ACTR8: variants seen among roughly 807,000 people sequenced by gnomAD.
ACTR8 encodes the protein actin-related protein 8.
ACTR8 carries 70 observed loss-of-function variants against 84.3 expected under a neutral mutation model. The ratio of observed to expected loss-of-function variants is 0.83; its 90% CI spans 0.68 to 1.01. The LOEUF (loss-of-function observed/expected upper bound fraction) is 1.01, where lower values mean the gene tolerates loss of function less well. Among genes scored for constraint, ACTR8 ranks in the 50% least tolerant of loss-of-function variants. ACTR8 has a pLI of 0.00. For synonymous variants in ACTR8, 268 were observed against 275.2 expected, an observed-to-expected ratio of 0.97 and a Z score of 0.26; for missense variants, 672 against 775.4, an observed-to-expected ratio of 0.87 and a Z score of 1.58.
chr3:53,869,235 C>G (rs1699846941), intron 12 of ACTR8, among the ~76,000 whole-genome samples: 1 of 152,094 alleles, frequency 6.6e-6, no homozygotes. Flanking sequence ...GAGCCAAGAT[C>G]GCGCCACTGC....
At chr3:53,881,221 C>A (rs192279854) in intron 1 of ACTR8, among the ~76,000 whole-genome samples, 7 of 152,200 alleles carry the variant, frequency 4.6e-5, no homozygotes, top group African/African-American at 1.7e-4. Context: ...GGTAAGGAAG[C>A]TGGATCAGAG....
intron 5 of ACTR8, 113 bp downstream of exon 5, chr3:53,877,101 G>A (rs1232535032): frequency 3.1e-5 from 32 of 1,046,926 alleles, no homozygotes; most frequent in Non-Finnish European, 2.5e-5. Context: ...TCCTCACCCT[G>A]AAGGTCAAGA....
intron 2 of ACTR8, among the ~76,000 whole-genome samples, chr3:53,878,674 A>T (rs1417119012): frequency 6.6e-6 from 1 of 152,210 alleles, no homozygotes. Context: ...AATACAAGAA[A>T]TTAGCTGGGT....
chr3:53,864,209 T>C (rs1157799974), downstream of ACTR8, among the ~76,000 whole-genome samples: 1 of 152,160 alleles, frequency 6.6e-6, no homozygotes, highest in African/African-American at 2.4e-5. Context: ...GAGAGGGACT[T>C]AGAAAATACT....
downstream of ACTR8, among the ~76,000 whole-genome samples, chr3:53,863,523 T>C (rs1699648828): frequency 6.6e-6 from 1 of 152,230 alleles, no homozygotes; most frequent in Non-Finnish European, 1.5e-5. Flanking sequence ...CAGGGGCACC[T>C]GGACCTCAGG....
intron 8 of ACTR8, among the ~76,000 whole-genome samples, chr3:53,873,509 T>C (rs1699919629): frequency 6.6e-6 from 1 of 152,214 alleles, no homozygotes; most frequent in Non-Finnish European, 1.5e-5. Flanking sequence ...TACCAATCCA[T>C]ATATAGCAAT....
chr3:53,868,019 C>G lies in ACTR8; in HGVS notation c.*700G>C, dbSNP rs1048524633. ...TAGGAAAAAAACAAGATTTCCTTTT[C>G]AGCATTTGTTCTGTTTTGGCCAAAT... On this transcript the variant is annotated 3_prime_UTR_variant, in exon 13 of 13. Transcript: ENST00000335754. 2 of 152,126 alleles carry G rather than the reference C, an allele frequency of 1.3e-5. No individual in the cohort carries two copies. The highest frequency in any genetic ancestry group is 2.9e-5 in the Non-Finnish European group (2 of 68,024). The allele number at this position is 152,126 out of a possible 1,614,324, so 9.4% of individuals were successfully genotyped here. A position where few individuals can be genotyped will look rare whatever the true frequency, so the allele number is the denominator to read the frequency against.
Position 53,871,356 on chromosome 3 carries a change from C to A in ACTR8, c.1443G>T (p.Leu481=), listed in dbSNP as rs201085829. The change falls in exon 11 of 13, where the codon CTG becomes CTT. Residue 481 remains leucine, a synonymous_variant. Transcript: ENST00000335754. ...CCTCCTCGGAATCGTTGCCGGCCAT[C>A]AGGCCATCTCCCTGTGCAGACCCCA... ...VDLGSAQGDG[L]MAGNDSEEAL... is the part of the protein sequence containing the mutation. 1.5e-5 allele frequency: 24 copies of A among 1,614,132 alleles called. No individual in the cohort carries two copies. The Admixed American group carries it at 1.7e-4, about 11-fold the overall frequency.
chr3:53,865,537 G>T, downstream of ACTR8: 2 of 492,548 alleles, frequency 4.1e-6, no homozygotes, highest in Non-Finnish European at 7.1e-6. Context: ...ATCAATTACA[G>T]TTTTAATTGA....
chr3:53,874,927 C>T (rs1184937244), intron 7 of ACTR8, among the ~76,000 whole-genome samples: 4 of 152,154 alleles, frequency 2.6e-5, no homozygotes, highest in Non-Finnish European at 4.4e-5. Context: ...AATACTCACC[C>T]ATTAAATCCA....
Position 53,871,261 on chromosome 3 carries a change from T to C in ACTR8, c.1538A>G (p.Lys513Arg). ...GCAGTCTATGCTATGGAGGATGGCT[T>C]TATCCAGGCCCAGGGCTTTTCCTTC... ...LFEGKALGLD[K>R]AILHSIDCCS... is the part of the protein sequence containing the mutation. The change falls in exon 11 of 13, where the codon AAA (lysine) becomes AGA (arginine). Residue 513 changes from lysine (K) to arginine (R), a missense_variant. Transcript: ENST00000335754. 1 of 1,614,212 alleles carries C rather than the reference T, an allele frequency of 6.2e-7. No individual in the cohort carries two copies. The highest frequency in any genetic ancestry group is 1.1e-5 in the South Asian group (1 of 91,088).
rs1699966448 is a variant in ACTR8, at chr3:53,876,256, C to T, written c.779-176G>A. On this transcript the variant is annotated intron_variant, in intron 6 of 12. Coordinates refer to ENST00000335754, the MANE Select transcript of ACTR8 (RefSeq NM_022899.5). ...TCAGTAGGCCCGGCGCGGTGGCTCACGTCTGTAATCCCAGCACTTTGGGAG... is the reference window on the plus strand; with the variant it reads ...TCAGTAGGCCCGGCGCGGTGGCTCATGTCTGTAATCCCAGCACTTTGGGAG... Among the ~76,000 whole-genome samples the T allele has an allele frequency of 1.3e-5, 2 of 152,182 alleles. 1 individual carries two copies. The highest frequency in any genetic ancestry group is 4.2e-4 in the South Asian group (2 of 4,818).
chr3:53,871,618 A>C, intron 10 of ACTR8, 122 bp from the exon 11 acceptor site: 2 of 1,070,626 alleles, frequency 1.9e-6, no homozygotes, highest in Non-Finnish European at 2.7e-6. Flanking sequence ...CAATACAACA[A>C]CTGCCCAGCA....
rs758644158 is a variant in ACTR8 at position 53,871,433 on chromosome 3, G to A, written c.1366C>T (p.Arg456Cys). ...SKPIGFEGDL[R>C]GQSSDLPERL... ...TCTGGAAGATCAGAGGACTGGCCAC[G>A]AAGATCCCCTTCAAATCCAATAGGT... Residue 456 changes from arginine (R) to cysteine (C), a missense_variant, in exon 11 of 13, where the codon CGT (arginine) becomes TGT (cysteine). Coordinates refer to ENST00000335754, the MANE Select transcript of ACTR8 (RefSeq NM_022899.5). The A allele has an allele frequency of 1.4e-5, 23 of 1,614,072 alleles. No homozygotes were observed. The East Asian group carries it at 2.4e-4, about 17-fold the overall frequency.
rs1699833602 is a variant in ACTR8, at chr3:53,868,681, C to T, written c.*38G>A. ...TGTAAGAGTCTTTTATACCAAGAAG[C>T]TTGTTTTTGGTCTTCGGCAGTGACA... On this transcript the variant is annotated 3_prime_UTR_variant, in exon 13 of 13. Coordinates refer to ENST00000335754, the MANE Select transcript of ACTR8 (RefSeq NM_022899.5). The T allele has an allele frequency of 6.2e-7, 1 of 1,606,706 alleles. No individual in the cohort carries two copies. Among genetic ancestry groups the T allele is most frequent in the African/African-American group, 1.3e-5 (1 of 74,624 alleles).
the ACTR8 span, chr3:53,860,317 A>G: frequency 4.8e-6 from 5 of 1,044,176 alleles, no homozygotes; most frequent in Admixed American, 1.0e-4. Flanking sequence ...AGGCAATCAC[A>G]TGTTGGCGTT....
intron 2 of ACTR8, among the ~76,000 whole-genome samples, chr3:53,879,486 ATTT>A (rs144952709): frequency 0.031 from 4,735 of 150,902 alleles, 201 homozygotes; most frequent in East Asian, 0.19. Context: ...CTGCAAGAAA[ATTT>A]TTTTTTTGCC....
chr3:53,863,201 A>C (rs1699629349), downstream of ACTR8, among the ~76,000 whole-genome samples: 1 of 152,254 alleles, frequency 6.6e-6, no homozygotes, highest in Non-Finnish European at 1.5e-5. Flanking sequence ...TCCAGTCAAC[A>C]GTAGGCTATT....
rs758617158 is a variant in ACTR8 at position 53,875,905 on chromosome 3, G to A, written c.911+43C>T. 14 of 1,612,334 alleles carry A rather than the reference G, an allele frequency of 8.7e-6. No homozygotes were observed. The Admixed American group carries it at 2.2e-4, about 25-fold the overall frequency. On this transcript the variant is annotated intron_variant, in intron 7 of 12. Transcript: ENST00000335754. The stretch of plus-strand genomic sequence containing the variant: ...TATTATTTACGGTTGAACAGATTAT[G>A]AGGGAAGAGGAAACAGGGAATGCCA...
Sources: gnomAD v4.1 joint callset for allele counts (sites outside exome capture counted in the v4.1 genomes callset) on GRCh38, gnomAD v4.1.1 for gene constraint, MANE v1.5 for transcripts, NCBI Gene and HGNC (gene_info 2026-07-23, HGNC 2026-07-21) for gene names.